Variants in DHTKD1 observed in about 807,000 individuals in gnomAD.
The protein encoded by DHTKD1 is dehydrogenase E1 and transketolase domain containing 1, also known as 2-oxoadipate dehydrogenase complex component E1.
A neutral mutation model predicts 101.8 loss-of-function variants in DHTKD1; 78 were observed. The observed-to-expected ratio is 0.77, with a 90% confidence interval of 0.64 to 0.93. DHTKD1 has a LOEUF of 0.93. Ranked by LOEUF, DHTKD1 falls within the 40% of genes least tolerant of loss-of-function variation. DHTKD1 has a pLI of 0.00. For missense variants in DHTKD1, 1,223 were observed against 1,161.7 expected, an observed-to-expected ratio of 1.05 and a Z score of -0.77; for synonymous variants, 462 against 450.3, an observed-to-expected ratio of 1.03 and a Z score of -0.33.
intron 1 of DHTKD1, 80 bp from the exon 2 acceptor site, chr10:12,081,392 A>G: frequency 8.3e-7 from 1 of 1,198,526 alleles, no homozygotes; most frequent in South Asian, 1.3e-5. Flanking sequence ...GGGCTGTAAG[A>G]GCTTCTTTGA....
chr10:12,072,959 C>T (rs2131345426), intron 1 of DHTKD1, among the ~76,000 whole-genome samples: 1 of 152,156 alleles, frequency 6.6e-6, no homozygotes, highest in Non-Finnish European at 1.5e-5. Context: ...TGGTCTCGAA[C>T]TCCCGACCTC....
At chr10:12,083,594 C>T (rs957504361) in intron 2 of DHTKD1, among the ~76,000 whole-genome samples, 4 of 151,978 alleles carry the variant, frequency 2.6e-5, no homozygotes, top group South Asian at 2.1e-4. Flanking sequence ...ATTAGCCAGA[C>T]GTGGTGGTGT....
chr10:12,080,572 G>A (rs1027878480), intron 1 of DHTKD1, among the ~76,000 whole-genome samples: 2 of 151,960 alleles, frequency 1.3e-5, no homozygotes, highest in South Asian at 4.2e-4. Context: ...TTAGCCGGGC[G>A]TGGTGGCGGG....
chr10:12,090,502 A>G (rs1474180595), intron 5 of DHTKD1, among the ~76,000 whole-genome samples: 1 of 141,494 alleles, frequency 7.1e-6, no homozygotes, highest in Non-Finnish European at 1.5e-5. Context: ...CTTTCTTTCA[A>G]GATGGGTTCT....
In DHTKD1 at chr10:12,087,675, G is replaced by A; in HGVS notation, c.663G>A (p.Met221Ile). Residue 221 changes from methionine to isoleucine, a missense_variant, in exon 4 of 17, where the codon ATG becomes ATA. Physicochemically the swap from Met to Ile is conservative, Grantham distance 10. Transcript: ENST00000263035. This position sits in a 1 kb window ranked among gnomAD's most constrained non-coding sequence, Gnocchi z 5.2. ...GGATCACTGATGTCATTATTGGGATGCCCCATAGAGGGAGGCTGAATTTAT... is the reference window on the plus strand; with the variant it reads ...GGATCACTGATGTCATTATTGGGATACCCCATAGAGGGAGGCTGAATTTAT... ...YSGITDVIIG[M>I]PHRGRLNLLT... is the part of the protein sequence containing the mutation. 6.2e-7 allele frequency: 1 copy of A among 1,612,682 alleles called. No individual in the cohort carries two copies. The highest frequency in any genetic ancestry group is 1.1e-5 in the South Asian group (1 of 90,804).
rs1004693078 is a variant in DHTKD1 at position 12,110,905 on chromosome 10, G to A, written c.2155-1995G>A. On this transcript the variant is annotated intron_variant, in intron 12 of 16. Coordinates refer to ENST00000263035, the MANE Select transcript of DHTKD1 (RefSeq NM_018706.7). This position sits in a 1 kb window ranked among gnomAD's most constrained non-coding sequence, Gnocchi z 4.9. ...ATAAAACTAAAAAAATTAGCTGGGT[G>A]GGTGGTGGTGCGTGCCCATAATCCT... Among the ~76,000 whole-genome samples the A allele has an allele frequency of 6.6e-6, 1 of 151,940 alleles. No homozygotes were observed. Among genetic ancestry groups the A allele is most frequent in the Non-Finnish European group, 1.5e-5 (1 of 67,984 alleles).
At position 12,118,928 on chromosome 10, in the gene DHTKD1, T is replaced by G. The variant is rs1292197205; in HGVS notation, c.2572+10T>G. On this transcript the variant is annotated intron_variant, in intron 15 of 16. Coordinates refer to ENST00000263035, the MANE Select transcript of DHTKD1 (RefSeq NM_018706.7). ...TACAAACATGTTAAAGGTAAGAGGT[T>G]GTTCTCATTTGGGTTTTGATGTTCA... The G allele has an allele frequency of 1.3e-6, 2 of 1,513,122 alleles. No homozygotes were observed. Among genetic ancestry groups the G allele is most frequent in the Non-Finnish European group, 1.8e-6 (2 of 1,126,892 alleles). The allele number at this position is 1,513,122 out of a possible 1,614,324, so 93.7% of individuals were successfully genotyped here. A position where few individuals can be genotyped will look rare whatever the true frequency, so the allele number is the denominator to read the frequency against.
chr10:12,110,016 A>G lies in DHTKD1; in HGVS notation c.2154+2001A>G, dbSNP rs1447536729. Among the ~76,000 whole-genome samples, 1 of 151,946 alleles carries G rather than the reference A, an allele frequency of 6.6e-6. No individual in the cohort carries two copies. Among genetic ancestry groups the G allele is most frequent in the Non-Finnish European group, 1.5e-5 (1 of 67,970 alleles). ...AACAGCTTTGAATGTAGCCCAATAC[A>G]GGCTGGGCGTGGTGGCTCACTCCTG... On this transcript the variant is annotated intron_variant, in intron 12 of 16. Coordinates refer to ENST00000263035, the MANE Select transcript of DHTKD1 (RefSeq NM_018706.7). The surrounding 1 kb of genome is among the most constrained non-coding windows in gnomAD (Gnocchi z 4.9).
Position 12,089,183 on chromosome 10 carries a change from G to A in DHTKD1, c.915G>A (p.Gln305=). 1 of 1,614,180 alleles carries A rather than the reference G, an allele frequency of 6.2e-7. No individual in the cohort carries two copies. The highest frequency in any genetic ancestry group is 8.5e-7 in the Non-Finnish European group (1 of 1,180,024). The stretch of plus-strand genomic sequence containing the variant: ...CCGTGGGCAAAACTCGCGGCAGGCA[G>A]CAGTCTCGCCAAGACGGCGATTACT... ...PVAVGKTRGR[Q]QSRQDGDYSP... is the part of the protein sequence containing the mutation. Residue 305 remains glutamine, a synonymous_variant, in exon 5 of 17, where the codon CAG becomes CAA. Transcript: ENST00000263035.
At chr10:12,095,834 G>GAAA (rs1564393460) in intron 7 of DHTKD1, among the ~76,000 whole-genome samples, 1 of 68,848 alleles carries the variant, frequency 1.5e-5, no homozygotes, top group African/African-American at 5.7e-5. Flanking sequence ...AAAAAAAAAA[G>GAAA]AAAAGAAAAG....
intron 14 of DHTKD1, 49 bp from the exon 15 acceptor site, chr10:12,118,696 TCTTA>T: frequency 7.0e-7 from 1 of 1,419,634 alleles, no homozygotes; most frequent in Non-Finnish European, 9.3e-7. Flanking sequence ...CTGACGTAAT[TCTTA>T]CTTTAAAAAA....
Position 12,117,657 on chromosome 10 carries a change from C to G in DHTKD1, c.2320-16C>G. The G allele has an allele frequency of 6.5e-7, 1 of 1,530,672 alleles. No homozygotes were observed. Among genetic ancestry groups the G allele is most frequent in the Non-Finnish European group, 9.0e-7 (1 of 1,111,982 alleles). The allele number at this position is 1,530,672 out of a possible 1,614,324, so 94.8% of individuals were successfully genotyped here. On this transcript the variant is annotated splice_polypyrimidine_tract_variant and intron_variant, in intron 13 of 16. Transcript: ENST00000263035. ...TTCTGTTGCTTGCTGGATGTGTGGC[C>G]TCTTCTCCCTCGTAGGCAGCCGTGT...
intron 7 of DHTKD1, among the ~76,000 whole-genome samples, chr10:12,097,053 TATTAA>T (rs1833081568): frequency 6.6e-6 from 1 of 152,180 alleles, no homozygotes; most frequent in African/African-American, 2.4e-5. Flanking sequence ...TGCCTTCATT[TATTAA>T]ATTAATTTAT....
intron 15 of DHTKD1, 57 bp from the exon 16 acceptor site, chr10:12,120,125 T>C: frequency 7.4e-7 from 1 of 1,344,522 alleles, no homozygotes. Context: ...TCATAGTAAA[T>C]TGGGGACCGT....
Position 12,071,208 on chromosome 10 carries a change from C to A in DHTKD1, c.154+2021C>A, listed in dbSNP as rs190051065. 4.4e-3 allele frequency among the ~76,000 whole-genome samples: 671 copies of A among 152,242 alleles called. 17 individuals are homozygous for A. The highest frequency in any genetic ancestry group is 4.2e-3 in the East Asian group (22 of 5,184). On this transcript the variant is annotated intron_variant, in intron 1 of 16. Transcript: ENST00000263035. ...TCTTTCCTTCCCCTTACGGTCATGA[C>A]CCAGAAGTTGCATACATTGCTGCTA... is the stretch of plus-strand genomic sequence containing the variant.
At chr10:12,090,450 TCC>T (rs1832974538) in intron 5 of DHTKD1, among the ~76,000 whole-genome samples, 5 of 141,068 alleles carry the variant, frequency 3.5e-5, no homozygotes, top group Admixed American at 2.2e-4. Flanking sequence ...CTTCCTTCCT[TCC>T]TTCCTTCCTT....
intron 9 of DHTKD1, among the ~76,000 whole-genome samples, chr10:12,100,527 T>A (rs1291076380): frequency 1.3e-5 from 2 of 152,018 alleles, no homozygotes; most frequent in Non-Finnish European, 2.9e-5. Flanking sequence ...CCTCCCAAAG[T>A]GCTAGGATTA....
At chr10:12,113,474 A>G (rs930766897) in intron 13 of DHTKD1, among the ~76,000 whole-genome samples, 10 of 152,208 alleles carry the variant, frequency 6.6e-5, no homozygotes, top group Non-Finnish European at 1.5e-4. Flanking sequence ...CTGGGATTGC[A>G]GGCGTGAGTC....
In DHTKD1 at chr10:12,115,928, AT is replaced by A. The variant is rs762994821; in HGVS notation, c.2320-1725del. Among the ~76,000 whole-genome samples, 958 of 133,154 alleles carry A rather than the reference AT, an allele frequency of 7.2e-3. 3 individuals are homozygous for A. Among genetic ancestry groups the A allele is most frequent in the African/African-American group, 0.014 (506 of 35,514 alleles). The allele number at this position is 133,154 out of a possible 152,430, so 87.4% of individuals were successfully genotyped here. On this transcript the variant is annotated intron_variant, in intron 13 of 16. Coordinates refer to ENST00000263035, the MANE Select transcript of DHTKD1 (RefSeq NM_018706.7). ...TAGGTGTGTGCCACCACACCCAGCA[AT>A]TTTTTTTTTTTTTTTTTTTGAGACA...
Sources: gnomAD v4.1 joint callset for allele counts (sites outside exome capture counted in the v4.1 genomes callset) on GRCh38, gnomAD v4.1.1 for gene constraint, Gnocchi (gnomAD v3.1) non-coding constraint, MANE v1.5 for transcripts, NCBI Gene and HGNC (gene_info 2026-07-23, HGNC 2026-07-21) for gene names.